Variants in SHISA9 observed in about 807,000 individuals in gnomAD.
SHISA9 encodes shisa family member 9.
SHISA9 carries 13 observed loss-of-function variants against 38.0 expected under a neutral mutation model. The observed-to-expected ratio is 0.34, with a 90% confidence interval of 0.22 to 0.54. The LOEUF is 0.54. SHISA9 is among the 20% of genes least tolerant of loss of function. The probability of loss-of-function intolerance (pLI) is 0.91; values close to 1 mark genes in which losing one functional copy is unlikely to be tolerated. For missense variants in SHISA9, 538 were observed against 575.8 expected (o/e 0.93, Z 0.67); for synonymous variants, 275 against 242.0 (o/e 1.14, Z -1.27).
intron 2 of SHISA9, among the ~76,000 whole-genome samples, chr16:13,116,739 A>G (rs1435956325): frequency 2.0e-5 from 3 of 152,186 alleles, no homozygotes; most frequent in African/African-American, 7.2e-5. Context: ...AAAAATGGTG[A>G]AGATATTGTC....
the SHISA9 span, among the ~76,000 whole-genome samples, chr16:13,356,752 G>T: frequency 2.0e-5 from 3 of 152,228 alleles, no homozygotes; most frequent in East Asian, 5.8e-4. Context: ...AGTTGCACTG[G>T]GCACAGAGAC....
At chr16:13,208,150 G>C (rs2051083625) in intron 3 of SHISA9, among the ~76,000 whole-genome samples, 1 of 152,116 alleles carries the variant, frequency 6.6e-6, no homozygotes, top group Non-Finnish European at 1.5e-5. Context: ...TATGAAAAAT[G>C]AGAAAACTGA....
intron 2 of SHISA9, among the ~76,000 whole-genome samples, chr16:13,031,190 C>T (rs947709043): frequency 6.6e-6 from 1 of 152,126 alleles, no homozygotes; most frequent in Non-Finnish European, 1.5e-5. Context: ...AGATTTTAAC[C>T]CCTCTTCTGC....
chr16:13,065,295 C>CTCTTTT (rs2073421629), intron 2 of SHISA9, among the ~76,000 whole-genome samples: 2 of 152,236 alleles, frequency 1.3e-5, no homozygotes, highest in Admixed American at 1.3e-4. Flanking sequence ...CTGTCCCTTT[C>CTCTTTT]TCTTTTTCTT....
intron 2 of SHISA9, among the ~76,000 whole-genome samples, chr16:13,075,693 G>A (rs907582747): frequency 5.3e-5 from 8 of 152,144 alleles, no homozygotes; most frequent in Non-Finnish European, 1.0e-4. Context: ...GCTAAGCTTC[G>A]TAAAATGTCT....
At chr16:12,960,794 ACCCTCTCTCT>A (rs2071900420) in intron 2 of SHISA9, among the ~76,000 whole-genome samples, 1 of 151,040 alleles carries the variant, frequency 6.6e-6, no homozygotes, top group Non-Finnish European at 1.5e-5. Context: ...CTCCTCTCCA[ACCCTCTCTCT>A]CCCTCTCATC....
chr16:13,013,530 A>T (rs1380398449), intron 2 of SHISA9, among the ~76,000 whole-genome samples: 2 of 152,122 alleles, frequency 1.3e-5, no homozygotes, highest in African/African-American at 2.4e-5. Context: ...TGCTCAGCCC[A>T]TGCCCCAGAG....
intron 3 of SHISA9, among the ~76,000 whole-genome samples, chr16:13,206,739 A>G (rs371118701): frequency 2.9e-4 from 44 of 152,336 alleles, no homozygotes; most frequent in African/African-American, 1.0e-3. Flanking sequence ...CTGGTTACCC[A>G]TGTTTCACAT....
At chr16:13,411,645 C>A in the SHISA9 span, among the ~76,000 whole-genome samples, 2 of 152,188 alleles carry the variant, frequency 1.3e-5, no homozygotes, top group African/African-American at 4.8e-5. Flanking sequence ...GGCAGTATCT[C>A]TGAATTCCAA....
chr16:13,255,806 C>T, the SHISA9 span, among the ~76,000 whole-genome samples: 3 of 152,184 alleles, frequency 2.0e-5, no homozygotes, highest in African/African-American at 7.2e-5. Context: ...AGACATGACT[C>T]CAGTCTATGG....
intron 2 of SHISA9, among the ~76,000 whole-genome samples, chr16:13,136,574 G>T (rs1221163624): frequency 6.6e-6 from 1 of 151,568 alleles, no homozygotes; most frequent in Non-Finnish European, 1.5e-5. Context: ...GATTTTTTGT[G>T]TTTTTAGTAG....
the SHISA9 span, among the ~76,000 whole-genome samples, chr16:13,518,370 A>T: frequency 6.6e-6 from 1 of 152,172 alleles, no homozygotes; most frequent in African/African-American, 2.4e-5. Context: ...GACCTGAGGC[A>T]GTCACCCCAT....
chr16:13,466,222 G>A, the SHISA9 span, among the ~76,000 whole-genome samples: 3 of 152,174 alleles, frequency 2.0e-5, no homozygotes, highest in African/African-American at 7.2e-5. Flanking sequence ...ACTGCCACGC[G>A]GCCACTTGGG....
At chr16:12,909,845 C>CCCTTCCTTCTTT (rs2071156825) in intron 1 of SHISA9, 1 of 140,486 alleles carries the variant, frequency 7.1e-6, no homozygotes, top group Non-Finnish European at 1.6e-5. Context: ...CCTTCCCTTC[C>CCCTTCCTTCTTT]CCTTCCTTCC....
chr16:13,326,463 G>A, the SHISA9 span, among the ~76,000 whole-genome samples: 1 of 152,216 alleles, frequency 6.6e-6, no homozygotes, highest in Non-Finnish European at 1.5e-5. Flanking sequence ...GCTCATGGTT[G>A]TAATCCCAGC....
chr16:12,930,064 A>G (rs1404791464), intron 2 of SHISA9, among the ~76,000 whole-genome samples: 1 of 152,124 alleles, frequency 6.6e-6, no homozygotes, highest in Admixed American at 6.5e-5. Context: ...TATACTACCT[A>G]AAGTCATCTT....
chr16:13,539,300 TTACA>T, the SHISA9 span, among the ~76,000 whole-genome samples: 1 of 75,170 alleles, frequency 1.3e-5, no homozygotes, highest in Non-Finnish European at 2.7e-5. Context: ...TGGCTAAATT[TTACA>T]TATATATATA....
At chr16:13,310,037 G>A in the SHISA9 span, among the ~76,000 whole-genome samples, 6 of 152,120 alleles carry the variant, frequency 3.9e-5, no homozygotes, top group East Asian at 1.9e-4. Context: ...ACAAGAATGC[G>A]CCACCATACC....
intron 2 of SHISA9, among the ~76,000 whole-genome samples, chr16:13,190,580 G>A (rs1289406358): frequency 6.6e-6 from 1 of 152,094 alleles, no homozygotes; most frequent in African/African-American, 2.4e-5. Flanking sequence ...GTGCTTGCGC[G>A]GGAACCTCTG....
Sources: allele counts gnomAD v4.1 joint callset (sites outside exome capture counted in the v4.1 genomes callset), GRCh38; gene constraint gnomAD v4.1.1; transcripts MANE v1.5; gene names NCBI Gene and HGNC (gene_info 2026-07-23, HGNC 2026-07-21).